Variants in MBD2 observed in about 807,000 individuals in gnomAD.
MBD2 encodes the protein methyl-CpG-binding domain protein 2.
MBD2 carries 9 observed loss-of-function variants against 39.3 expected under a neutral mutation model. The observed-to-expected ratio is 0.23, with a 90% confidence interval of 0.14 to 0.40. The LOEUF (loss-of-function observed/expected upper bound fraction) is 0.40, where lower values mean the gene tolerates loss of function less well. Ranked by LOEUF, MBD2 falls within the 10% of genes least tolerant of loss-of-function variation. MBD2 has a pLI of 1.00. For synonymous variants in MBD2, 233 were observed against 211.1 expected, an observed-to-expected ratio of 1.10 and a Z score of -0.90; for missense variants, 458 against 532.6, an observed-to-expected ratio of 0.86 and a Z score of 1.38.
At chr18:54,192,320 C>T (rs538041117) in intron 2 of MBD2, among the ~76,000 whole-genome samples, 1 of 152,276 alleles carries the variant, frequency 6.6e-6, no homozygotes, top group East Asian at 1.9e-4. Context: ...GCAACCTCTG[C>T]CTCGTGGGTT....
intron 5 of MBD2, among the ~76,000 whole-genome samples, chr18:54,161,944 G>A (rs2086101410): frequency 6.6e-6 from 1 of 152,170 alleles, no homozygotes; most frequent in Non-Finnish European, 1.5e-5. Context: ...CTTCCTGACA[G>A]AAGCATAAAG....
At chr18:54,173,982 T>C (rs1392572066) in intron 3 of MBD2, among the ~76,000 whole-genome samples, 1 of 152,194 alleles carries the variant, frequency 6.6e-6, no homozygotes, top group Non-Finnish European at 1.5e-5. Context: ...TGAGCTTGTT[T>C]CAAGAATAGA....
chr18:54,156,831 T>A (rs1368365843), intron 6 of MBD2, among the ~76,000 whole-genome samples: 1 of 151,798 alleles, frequency 6.6e-6, no homozygotes. Context: ...CCAGCCTGGA[T>A]GACAAGAGCG....
At chr18:54,160,785 A>C (rs753802989) in intron 5 of MBD2, among the ~76,000 whole-genome samples, 11 of 152,220 alleles carry the variant, frequency 7.2e-5, no homozygotes, top group Non-Finnish European at 1.6e-4. Flanking sequence ...AGGTTGAAGA[A>C]AGACAAGAGA....
chr18:54,220,904 G>C (rs1212732764), intron 1 of MBD2, among the ~76,000 whole-genome samples: 1 of 152,146 alleles, frequency 6.6e-6, no homozygotes, highest in Admixed American at 6.6e-5. Context: ...AGAAAAACAA[G>C]ACTGGTTGTT....
At position 54,152,848 on chromosome 18, in the gene MBD2, C is replaced by A. The variant is rs1455751072; in HGVS notation, c.*2476G>T. On this transcript the variant is annotated 3_prime_UTR_variant, in exon 7 of 7. Transcript: ENST00000256429. ...GGTAGGTATTATTATTCCTATTTCA[C>A]TGAGGAGGGACAGGCTCAAAGAGAT... 1.3e-5 allele frequency: 2 copies of A among 152,234 alleles called. No homozygotes were observed. The highest frequency in any genetic ancestry group is 2.9e-5 in the Non-Finnish European group (2 of 68,014). 9.4% of individuals were successfully genotyped at this position (152,234 alleles called of 1,614,324 possible).
chr18:54,190,830 A>G (rs2086315413), intron 2 of MBD2, among the ~76,000 whole-genome samples: 1 of 152,194 alleles, frequency 6.6e-6, no homozygotes, highest in African/African-American at 2.4e-5. Flanking sequence ...AGCTTCGTAA[A>G]GCCATATAAC....
At chr18:54,211,464 T>G (rs529867650) in intron 1 of MBD2, among the ~76,000 whole-genome samples, 1 of 151,954 alleles carries the variant, frequency 6.6e-6, no homozygotes, top group South Asian at 2.1e-4. Flanking sequence ...CAGCTCCCTG[T>G]ACCTCCTTAA....
intron 2 of MBD2, among the ~76,000 whole-genome samples, chr18:54,203,895 A>G (rs1323635240): frequency 1.3e-5 from 2 of 152,240 alleles, no homozygotes; most frequent in Non-Finnish European, 2.9e-5. Context: ...GATGTTCTAT[A>G]TAAATTCCCA....
chr18:54,177,533 T>A (rs1009814087), intron 3 of MBD2, among the ~76,000 whole-genome samples: 69 of 151,962 alleles, frequency 4.5e-4, no homozygotes, highest in South Asian at 8.3e-4. Context: ...CTGGCTGGAG[T>A]GCAGTGGCGC....
At chr18:54,185,834 T>A (rs192768660) in intron 3 of MBD2, among the ~76,000 whole-genome samples, 38 of 152,260 alleles carry the variant, frequency 2.5e-4, no homozygotes, top group African/African-American at 8.9e-4. Flanking sequence ...AACTAGGTTT[T>A]ACAAATTCCA....
chr18:54,151,844 A>AT lies in MBD2; in HGVS notation c.*3479_*3480insA, dbSNP rs2143900485. The AT allele has an allele frequency of 6.6e-6, 1 of 151,684 alleles. No individual in the cohort carries two copies. The highest frequency in any genetic ancestry group is 1.9e-4 in the East Asian group (1 of 5,174). 9.4% of individuals were successfully genotyped at this position (151,684 alleles called of 1,614,324 possible). A position where few individuals can be genotyped will look rare whatever the true frequency, so the allele number is the denominator to read the frequency against. On this transcript the variant is annotated 3_prime_UTR_variant, in exon 7 of 7. Transcript: ENST00000256429. ...CCTCTTTAGACCAAAAAAAAAAAAA[A>AT]AAACACCCTGGAAGCCACCAAGGGC...
At chr18:54,209,297 CAAAAAAAAAAA>C (rs34165824) in intron 1 of MBD2, among the ~76,000 whole-genome samples, 9 of 67,608 alleles carry the variant, frequency 1.3e-4, no homozygotes, top group East Asian at 7.1e-4. Context: ...ACTCCATCTC[CAAAAAAAAAAA>C]AAAAAAAAAA....
intron 2 of MBD2, among the ~76,000 whole-genome samples, chr18:54,200,142 T>C (rs1023237245): frequency 4.6e-5 from 7 of 152,168 alleles, no homozygotes; most frequent in South Asian, 2.1e-4. Flanking sequence ...CAAGAAAATA[T>C]GATGTTCTTT....
chr18:54,183,973 T>C (rs1223206741), intron 3 of MBD2, among the ~76,000 whole-genome samples: 1 of 152,124 alleles, frequency 6.6e-6, no homozygotes, highest in Non-Finnish European at 1.5e-5. Context: ...TCAGTTCAGA[T>C]GGGTAATATA....
chr18:54,209,676 T>A (rs1260459111), intron 1 of MBD2, among the ~76,000 whole-genome samples: 1 of 152,168 alleles, frequency 6.6e-6, no homozygotes, highest in African/African-American at 2.4e-5. Flanking sequence ...ACTTTACTCT[T>A]CAGGAGGTGA....
At chr18:54,210,315 T>C (rs1442570814) in intron 1 of MBD2, among the ~76,000 whole-genome samples, 1 of 152,300 alleles carries the variant, frequency 6.6e-6, no homozygotes, top group Non-Finnish European at 1.5e-5. Flanking sequence ...AAAAAAGTAA[T>C]TGAAACCAGA....
intron 2 of MBD2, among the ~76,000 whole-genome samples, chr18:54,189,510 C>A (rs1370375008): frequency 1.3e-5 from 2 of 152,174 alleles, no homozygotes; most frequent in Admixed American, 1.3e-4. Flanking sequence ...GCGTGAGCCA[C>A]CGCGCCCGGC....
At chr18:54,203,506 T>C (rs747002772) in intron 2 of MBD2, among the ~76,000 whole-genome samples, 4 of 152,184 alleles carry the variant, frequency 2.6e-5, no homozygotes, top group Non-Finnish European at 5.9e-5. Flanking sequence ...ATCCACCCCA[T>C]AGTTAAGCAA....
Sources: gnomAD v4.1 joint callset for allele counts (sites outside exome capture counted in the v4.1 genomes callset) on GRCh38, gnomAD v4.1.1 for gene constraint, MANE v1.5 for transcripts, NCBI Gene and HGNC (gene_info 2026-07-23, HGNC 2026-07-21) for gene names.